The following COBL variants were observed in gnomAD, a reference collection of about 807,000 sequenced individuals.
The protein encoded by COBL is cordon-bleu WH2 repeat protein.
Under a neutral mutation model 98.8 loss-of-function variants are expected in COBL, and 51 were observed. That is an observed-to-expected ratio of 0.52 (90% CI 0.41 to 0.65). The LOEUF (loss-of-function observed/expected upper bound fraction) is 0.65. Ranked by LOEUF, COBL falls within the 30% of genes least tolerant of loss-of-function variation. The pLI is 0.00. For missense variants in COBL, 1,617 were observed against 1,617.5 expected (o/e 1.00, Z 0.01); for synonymous variants, 634 against 651.7 (o/e 0.97, Z 0.41).
intron 12 of COBL, among the ~76,000 whole-genome samples, chr7:51,019,341 C>T (rs1316278370): frequency 6.6e-6 from 1 of 151,944 alleles, no homozygotes; most frequent in Non-Finnish European, 1.5e-5. Flanking sequence ...GGGCAAGACT[C>T]ATGGAACTTG....
chr7:51,316,695 C>T lies in COBL; in HGVS notation c.-62G>A, dbSNP rs1171762489. The T allele has an allele frequency of 8.8e-7, 1 of 1,130,318 alleles. No homozygotes were observed. Among genetic ancestry groups the T allele is most frequent in the Non-Finnish European group, 1.1e-6 (1 of 906,346 alleles). 70.0% of individuals were successfully genotyped at this position (1,130,318 alleles called of 1,614,324 possible). On this transcript the variant is annotated 5_prime_UTR_variant, in exon 1 of 13. Coordinates refer to ENST00000265136, the MANE Select transcript of COBL (RefSeq NM_015198.5). ...CCGCCGAGTCAGGCGCTGGCTACCG[C>T]CGCCACCGCTGCCGCCCTCATTCAC...
intron 6 of COBL, among the ~76,000 whole-genome samples, chr7:51,102,833 C>G (rs1353769962): frequency 1.3e-5 from 2 of 152,202 alleles, no homozygotes; most frequent in Non-Finnish European, 2.9e-5. Context: ...GAAGGAAAAC[C>G]AGGTGGATTT....
intron 7 of COBL, among the ~76,000 whole-genome samples, chr7:51,065,721 T>A (rs1178746379): frequency 6.6e-6 from 1 of 152,256 alleles, no homozygotes; most frequent in Non-Finnish European, 1.5e-5. Flanking sequence ...CCAGGTGCTA[T>A]GGGCTGAACT....
At chr7:51,296,569 T>C (rs1051007214) in intron 1 of COBL, among the ~76,000 whole-genome samples, 2 of 152,200 alleles carry the variant, frequency 1.3e-5, no homozygotes, top group African/African-American at 2.4e-5. Flanking sequence ...CAACTTAAGA[T>C]AACTTTTTTG....
chr7:51,161,270 A>G (rs776565110), intron 5 of COBL, among the ~76,000 whole-genome samples: 15 of 152,196 alleles, frequency 9.9e-5, no homozygotes, highest in Non-Finnish European at 1.9e-4. Flanking sequence ...AGTTCTCTGT[A>G]ATCCCCCTGG....
At chr7:51,121,532 A>G (rs10272957) in intron 6 of COBL, among the ~76,000 whole-genome samples, 87,482 of 151,980 alleles carry the variant, frequency 0.58, 25,247 homozygotes, top group Middle Eastern at 0.74. Flanking sequence ...AAAATTTTGT[A>G]AGTTTGGTTG....
chr7:51,158,279 T>G (rs1172575484), intron 5 of COBL, among the ~76,000 whole-genome samples: 2 of 152,176 alleles, frequency 1.3e-5, no homozygotes, highest in Non-Finnish European at 2.9e-5. Context: ...ATTGGTACCA[T>G]GCAAAATTTC....
Position 51,028,436 on chromosome 7 carries a change from C to G in COBL, c.2660G>C (p.Arg887Thr). Residue 887 changes from arginine to threonine, a missense_variant, in exon 10 of 13, where the codon AGG (arginine) becomes ACG (threonine). Physicochemically the swap from Arg to Thr is moderately conservative, Grantham distance 71. Around this residue, in one of 3 missense-constraint regions of COBL, gnomAD observed 1,304 missense variants for 1,282.0 expected, o/e 1.02. Coordinates refer to ENST00000265136, the MANE Select transcript of COBL (RefSeq NM_015198.5). ...ACCCTTCTCGGCATAACCGTGTGGC[C>G]TCACCACATCAGCATGGACTTTTGG... Reference protein sequence around the residue: ...GAPKVHADVVRPHGYAEKGYA... With the variant: ...GAPKVHADVVTPHGYAEKGYA... The G allele has an allele frequency of 6.2e-7, 1 of 1,614,274 alleles. No individual in the cohort carries two copies. The highest frequency in any genetic ancestry group is 2.2e-5 in the East Asian group (1 of 44,888).
Position 51,026,549 on chromosome 7 carries a change from C to G in COBL, c.3501G>C (p.Arg1167Ser). 6.2e-7 allele frequency: 1 copy of G among 1,613,960 alleles called. No homozygotes were observed. Among genetic ancestry groups the G allele is most frequent in the Non-Finnish European group, 8.5e-7 (1 of 1,179,978 alleles). Reference protein sequence around the residue: ...IRGHSGTCSLRKVASSASEEL... With the variant: ...IRGHSGTCSLSKVASSASEEL... ...TGGAAGGCCCTTCACCTCTTACCTTCCTCAGGCTGCAGGTGCCGCTGTGCC... is the reference window on the plus strand; with the variant it reads ...TGGAAGGCCCTTCACCTCTTACCTTGCTCAGGCTGCAGGTGCCGCTGTGCC... The change falls in exon 11 of 13, where the codon AGG (arginine) becomes AGC (serine). Residue 1167 changes from arginine to serine, a missense_variant. Physicochemically the swap from Arg to Ser is moderately radical, Grantham distance 110. Coordinates refer to ENST00000265136, the MANE Select transcript of COBL (RefSeq NM_015198.5).
rs376779687 is a variant in COBL, at chr7:51,151,624, G to A, written c.784-15293C>T. Reference sequence around the variant, plus strand: ...TTCACAAAAGCATACAAAGAGAGGCGGAATAAACATTTAGGGTAATTACAG... The same window carrying A: ...TTCACAAAAGCATACAAAGAGAGGCAGAATAAACATTTAGGGTAATTACAG... On this transcript the variant is annotated intron_variant, in intron 5 of 12. Transcript: ENST00000265136. 1.8e-4 allele frequency among the ~76,000 whole-genome samples: 27 copies of A among 152,288 alleles called. 2 individuals carry two copies. The South Asian group carries it at 5.4e-3, about 30-fold the overall frequency.
At chr7:51,031,282 G>A (rs1460198957) in intron 8 of COBL, 1 of 186,974 alleles carries the variant, frequency 5.3e-6, no homozygotes, top group Admixed American at 6.1e-5. Context: ...CCGCACAAAA[G>A]ACGGTTCACG....
intron 8 of COBL, among the ~76,000 whole-genome samples, chr7:51,038,185 T>C (rs1215755382): frequency 6.6e-6 from 1 of 152,248 alleles, no homozygotes; most frequent in African/African-American, 2.4e-5. Context: ...ACACTTGCTC[T>C]TCTTAGAAGC....
intron 5 of COBL, among the ~76,000 whole-genome samples, chr7:51,152,504 C>A (rs946154336): frequency 6.6e-6 from 1 of 152,122 alleles, no homozygotes; most frequent in Non-Finnish European, 1.5e-5. Context: ...TCTGTCCAGC[C>A]CCTTCTGTTG....
chr7:51,056,860 CATCAT>C (rs912713110), intron 7 of COBL, among the ~76,000 whole-genome samples: 3 of 141,880 alleles, frequency 2.1e-5, no homozygotes, highest in African/African-American at 7.9e-5. Context: ...CGGCAAAAAC[CATCAT>C]AGTAGTCCCT....
chr7:51,027,601 T>G, intron 10 of COBL, 111 bp downstream of exon 10: 1 of 912,952 alleles, frequency 1.1e-6, no homozygotes, highest in Admixed American at 2.5e-5. Flanking sequence ...TAAGCCTCAC[T>G]GTTATCCTAA....
intron 6 of COBL, among the ~76,000 whole-genome samples, chr7:51,117,530 T>C (rs1304397039): frequency 4.6e-5 from 7 of 152,122 alleles, no homozygotes. Context: ...TGTTCTTCCA[T>C]TCTAGAATTT....
chr7:51,019,257 C>T (rs1786674000), intron 12 of COBL, among the ~76,000 whole-genome samples: 1 of 151,684 alleles, frequency 6.6e-6, no homozygotes. Flanking sequence ...GGGGGTTGAA[C>T]CTCATGAAGG....
At chr7:51,283,344 TGAAC>T (rs1197469347) in intron 1 of COBL, among the ~76,000 whole-genome samples, 2 of 152,012 alleles carry the variant, frequency 1.3e-5, no homozygotes, top group Non-Finnish European at 2.9e-5. Context: ...GGGAATGCTA[TGAAC>T]ATATCTACAC....
chr7:51,189,603 C>T (rs1314087902), intron 4 of COBL, among the ~76,000 whole-genome samples: 5 of 151,678 alleles, frequency 3.3e-5, no homozygotes, highest in Non-Finnish European at 7.4e-5. Flanking sequence ...CATTGCACTA[C>T]AGCCTGGGCT....
Sources: allele counts gnomAD v4.1 joint callset (sites outside exome capture counted in the v4.1 genomes callset), GRCh38; gene constraint gnomAD v4.1.1; regional missense constraint gnomAD v4.1.1; transcripts MANE v1.5; gene names NCBI Gene and HGNC (gene_info 2026-07-23, HGNC 2026-07-21).